The following CACNA1C variants were observed in gnomAD, a reference collection of about 807,000 sequenced individuals.
CACNA1C encodes the protein calcium voltage-gated channel subunit alpha1 C.
A neutral mutation model predicts 229.0 loss-of-function variants in CACNA1C; 30 were observed. The observed-to-expected ratio is 0.13, with a 90% CI of 0.10 to 0.18. The LOEUF (loss-of-function observed/expected upper bound fraction) is 0.18. Among genes scored for constraint, CACNA1C ranks in the 10% least tolerant of loss-of-function variants. CACNA1C has a pLI of 1.00. For synonymous variants in CACNA1C, 1,114 were observed against 1,132.5 expected (o/e 0.98, Z 0.33); for missense variants, 1,658 against 2,845.0 (o/e 0.58, Z 9.49).
intron 3 of CACNA1C, among the ~76,000 whole-genome samples, chr12:2,191,653 C>T (rs1007289100): frequency 2.0e-5 from 3 of 146,376 alleles, no homozygotes; most frequent in African/African-American, 5.5e-5. Context: ...AACAGGCACA[C>T]ACACGCACAT....
At chr12:2,442,151 T>A (rs542668835) in intron 3 of CACNA1C, among the ~76,000 whole-genome samples, 1 of 152,296 alleles carries the variant, frequency 6.6e-6, no homozygotes, top group East Asian at 1.9e-4. Flanking sequence ...CATTCTTGAG[T>A]CTTTGTCCTC....
chr12:2,381,840 G>T (rs965530642), intron 3 of CACNA1C, among the ~76,000 whole-genome samples: 5 of 152,194 alleles, frequency 3.3e-5, no homozygotes, highest in African/African-American at 9.7e-5. Flanking sequence ...TGACTATGGG[G>T]ATGCTTAAGA....
At chr12:2,507,868 C>G (rs2099775190) in intron 8 of CACNA1C, among the ~76,000 whole-genome samples, 1 of 152,244 alleles carries the variant, frequency 6.6e-6, no homozygotes, top group South Asian at 2.1e-4. Flanking sequence ...TCCCCAAACC[C>G]ATAGGACGGG....
intron 4 of CACNA1C, 80 bp from the exon 5 acceptor site, chr12:2,457,487 G>A: frequency 4.1e-6 from 6 of 1,481,020 alleles, no homozygotes; most frequent in Non-Finnish European, 5.5e-6. Context: ...GCTTTTCCGG[G>A]CTGTATCCAG....
chr12:1,974,931 G>T (rs1255108517), intron 1 of CACNA1C, among the ~76,000 whole-genome samples: 5 of 152,090 alleles, frequency 3.3e-5, no homozygotes, highest in Admixed American at 6.6e-5. Flanking sequence ...TCAAAAATTT[G>T]TTCCAATGAA....
chr12:2,242,902 G>T (rs1384431606), intron 3 of CACNA1C, among the ~76,000 whole-genome samples: 1 of 152,236 alleles, frequency 6.6e-6, no homozygotes, highest in African/African-American at 2.4e-5. Flanking sequence ...AGGGGCAAGT[G>T]TGGTTATTCT....
At chr12:2,294,330 G>A (rs1024978637) in intron 3 of CACNA1C, among the ~76,000 whole-genome samples, 8 of 152,012 alleles carry the variant, frequency 5.3e-5, no homozygotes, top group East Asian at 1.9e-4. Flanking sequence ...CATGAGGCAC[G>A]GGTACGGTTG....
At chr12:2,456,483 C>T (rs1037979299) in intron 4 of CACNA1C, among the ~76,000 whole-genome samples, 9 of 152,230 alleles carry the variant, frequency 5.9e-5, no homozygotes, top group Non-Finnish European at 2.9e-5. Flanking sequence ...CCTATTTCCT[C>T]TCCGACTTCC....
chr12:2,327,493 T>A (rs3819529), intron 3 of CACNA1C, among the ~76,000 whole-genome samples: 20,825 of 152,268 alleles, frequency 0.14, 1,869 homozygotes, highest in African/African-American at 0.25. Context: ...CTGATTTCGT[T>A]CTGTGCCTTG....
chr12:2,566,708 T>G lies in CACNA1C; in HGVS notation c.1669+126T>G, dbSNP rs1010965886. 2 of 790,094 alleles carry G rather than the reference T, an allele frequency of 2.5e-6. No individual in the cohort carries two copies. Among genetic ancestry groups the G allele is most frequent in the African/African-American group, 3.5e-5 (2 of 57,594 alleles). 48.9% of individuals were successfully genotyped at this position (790,094 alleles called of 1,614,324 possible). A position where few individuals can be genotyped will look rare whatever the true frequency, so the allele number is the denominator to read the frequency against. ...GCCAATGGTCGGGGCTCTTGGCAGG[T>G]GCTGTGCTGGAGACACCAAGGGCCT... On this transcript the variant is annotated intron_variant, in intron 12 of 46. Coordinates refer to ENST00000399655, the MANE Select transcript of CACNA1C (RefSeq NM_000719.7). The surrounding 1 kb of genome is among the most constrained non-coding windows in gnomAD (Gnocchi z 4.0).
Position 2,649,936 on chromosome 12 carries a change from A to G in CACNA1C, c.3945+1429A>G, listed in dbSNP as rs541899908. On this transcript the variant is annotated intron_variant, in intron 31 of 46. Coordinates refer to ENST00000399655, the MANE Select transcript of CACNA1C (RefSeq NM_000719.7). This position sits in a 1 kb window ranked among gnomAD's most constrained non-coding sequence, Gnocchi z 4.4. ...GTTCAAGCAGATACACAGGTGATAG[A>G]AATACAGAGATTAAGGTCATCAAAG... 6.6e-6 allele frequency among the ~76,000 whole-genome samples: 1 copy of G among 151,664 alleles called. No individual in the cohort carries two copies. The highest frequency in any genetic ancestry group is 2.4e-5 in the African/African-American group (1 of 41,062).
intron 3 of CACNA1C, among the ~76,000 whole-genome samples, chr12:2,289,661 A>G (rs2154449295): frequency 6.6e-6 from 1 of 152,042 alleles, no homozygotes; most frequent in Non-Finnish European, 1.5e-5. Flanking sequence ...CTTGTGTGCC[A>G]CTGGAGAACA....
chr12:2,690,758 A>T, intron 46 of CACNA1C, 142 bp from the exon 47 acceptor site: 1 of 769,768 alleles, frequency 1.3e-6, no homozygotes, highest in South Asian at 2.2e-5. Flanking sequence ...GCCCCTCCCA[A>T]CACACACACG....
intron 3 of CACNA1C, among the ~76,000 whole-genome samples, chr12:2,203,192 C>T (rs2097649450): frequency 6.6e-6 from 1 of 152,220 alleles, no homozygotes; most frequent in South Asian, 2.1e-4. Context: ...ACAGGAGCGA[C>T]CAGCCAGGAC....
At chr12:2,572,993 TCTC>T (rs1490175231) in intron 13 of CACNA1C, among the ~76,000 whole-genome samples, 5 of 135,460 alleles carry the variant, frequency 3.7e-5, no homozygotes, top group Non-Finnish European at 6.3e-5. Flanking sequence ...TCCTCTTCCT[TCTC>T]CTCCTTCTTC....
At chr12:2,251,783 C>T (rs999068253) in intron 3 of CACNA1C, among the ~76,000 whole-genome samples, 5 of 152,166 alleles carry the variant, frequency 3.3e-5, no homozygotes, top group South Asian at 4.1e-4. Context: ...GAAAATGTTT[C>T]GGAAATCAGA....
intron 3 of CACNA1C, among the ~76,000 whole-genome samples, chr12:2,335,114 A>T (rs1593165006): frequency 6.6e-6 from 1 of 152,128 alleles, no homozygotes; most frequent in African/African-American, 2.4e-5. Context: ...TATCTCAGCC[A>T]CACATAGTGC....
rs1326292662 is a variant in CACNA1C, at chr12:2,067,751, C to T, written c.49+14140C>T. On this transcript the variant is annotated intron_variant, in intron 1 of 46. Transcript: ENST00000399655. The surrounding 1 kb of genome is among the most constrained non-coding windows in gnomAD (Gnocchi z 5.3). ...TGCACTGTTAACCTCAGTCAGGGCG[C>T]AACGGTAGAAAGGAGGAGTGATGGG... Among the ~76,000 whole-genome samples the T allele has an allele frequency of 2.0e-5, 3 of 152,076 alleles. No individual in the cohort carries two copies. The highest frequency in any genetic ancestry group is 4.4e-5 in the Non-Finnish European group (3 of 68,022).
At chr12:2,393,488 G>A (rs1308355441) in intron 3 of CACNA1C, among the ~76,000 whole-genome samples, 4 of 152,172 alleles carry the variant, frequency 2.6e-5, no homozygotes, top group Non-Finnish European at 4.4e-5. Flanking sequence ...TGTAACTTTG[G>A]GCAAGTGTGG....
Sources: gnomAD v4.1 joint callset for allele counts (sites outside exome capture counted in the v4.1 genomes callset) on GRCh38, gnomAD v4.1.1 for gene constraint, Gnocchi (gnomAD v3.1) non-coding constraint, MANE v1.5 for transcripts, NCBI Gene and HGNC (gene_info 2026-07-23, HGNC 2026-07-21) for gene names.